NOL4: variants seen among roughly 807,000 people sequenced by gnomAD.
NOL4 encodes cancer/testis antigen 125.
In NOL4, 17 loss-of-function variants were observed where a neutral mutation model predicts 75.9. That is an observed-to-expected ratio of 0.22 (90% confidence interval 0.15 to 0.34). The LOEUF (loss-of-function observed/expected upper bound fraction) is 0.34, where lower values mean the gene tolerates loss of function less well. Ranked by LOEUF, NOL4 falls within the 10% of genes least tolerant of loss-of-function variation. NOL4 has a pLI of 1.00. For missense variants in NOL4, 614 were observed against 793.5 expected (o/e 0.77, Z 2.72); for synonymous variants, 292 against 289.9 (o/e 1.01, Z -0.07).
At chr18:33,904,932 C>G (rs537483917) in intron 9 of NOL4, among the ~76,000 whole-genome samples, 17 of 152,128 alleles carry the variant, frequency 1.1e-4, no homozygotes, top group African/African-American at 4.1e-4. Context: ...AGCTTGGAGA[C>G]GATAACTGAC....
intron 1 of NOL4, among the ~76,000 whole-genome samples, chr18:34,175,239 T>C (rs1047293674): frequency 2.6e-5 from 4 of 152,186 alleles, no homozygotes; most frequent in Non-Finnish European, 5.9e-5. Flanking sequence ...ACATGTCTAG[T>C]GCTTCCATGG....
At chr18:34,182,462 T>C (rs562420172) in intron 1 of NOL4, among the ~76,000 whole-genome samples, 41 of 151,658 alleles carry the variant, frequency 2.7e-4, no homozygotes, top group Non-Finnish European at 5.6e-4. Context: ...GAAGAAAATA[T>C]TCTACAACTA....
chr18:33,890,688 T>C (rs62097772), intron 9 of NOL4, among the ~76,000 whole-genome samples: 5,313 of 152,202 alleles, frequency 0.035, 159 homozygotes, highest in Non-Finnish European at 0.047. Flanking sequence ...TTTGTACTTA[T>C]GATGAACTTT....
intron 1 of NOL4, among the ~76,000 whole-genome samples, chr18:34,211,111 A>AGAAGGAAGGAAGGAAG (rs34370429): frequency 1.3e-5 from 2 of 149,330 alleles, no homozygotes; most frequent in South Asian, 2.1e-4. Context: ...AAGGAAGGAA[A>AGAAGGAAGGAAGGAAG]GAAGGAAGGA....
intron 1 of NOL4, among the ~76,000 whole-genome samples, chr18:34,165,346 T>A (rs2032196458): frequency 6.6e-6 from 1 of 152,148 alleles, no homozygotes; most frequent in African/African-American, 2.4e-5. Context: ...AGAACACCCA[T>A]GTTCCAGTGT....
intron 1 of NOL4, among the ~76,000 whole-genome samples, chr18:34,165,498 T>C (rs2032216055): frequency 6.6e-6 from 1 of 152,200 alleles, no homozygotes; most frequent in Non-Finnish European, 1.5e-5. Flanking sequence ...GGGTATTGCA[T>C]GCTTTCCAGC....
intron 1 of NOL4, among the ~76,000 whole-genome samples, chr18:34,161,572 A>G (rs2031487561): frequency 6.6e-6 from 1 of 151,866 alleles, no homozygotes; most frequent in African/African-American, 2.4e-5. Flanking sequence ...GTAGGTTCTG[A>G]TTTGTATTTC....
chr18:33,967,892 C>T (rs2070733722), intron 6 of NOL4, among the ~76,000 whole-genome samples: 1 of 152,002 alleles, frequency 6.6e-6, no homozygotes, highest in Admixed American at 6.6e-5. Flanking sequence ...TTGAGACCAG[C>T]CTGGCCAATA....
chr18:33,986,850 A>G (rs1471239299), intron 6 of NOL4, among the ~76,000 whole-genome samples: 1 of 152,180 alleles, frequency 6.6e-6, no homozygotes, highest in Non-Finnish European at 1.5e-5. Context: ...AATTGCAAAA[A>G]AACTGGAGAA....
chr18:34,062,197 A>C (rs2077090609), intron 5 of NOL4, among the ~76,000 whole-genome samples: 1 of 152,002 alleles, frequency 6.6e-6, no homozygotes, highest in Non-Finnish European at 1.5e-5. Context: ...CAAGTGTACC[A>C]CTGAACTTTA....
chr18:34,108,474 A>T (rs1436353494), intron 2 of NOL4, among the ~76,000 whole-genome samples: 1 of 152,212 alleles, frequency 6.6e-6, no homozygotes, highest in African/African-American at 2.4e-5. Context: ...ATAAGTGGAC[A>T]CATAGGCTGA....
intron 1 of NOL4, among the ~76,000 whole-genome samples, chr18:34,158,057 G>T (rs186435361): frequency 6.6e-6 from 1 of 152,188 alleles, no homozygotes; most frequent in Admixed American, 6.5e-5. Context: ...ATTTTCTAAA[G>T]AGGTAGTATC....
chr18:34,220,310 G>A (rs7238786), intron 1 of NOL4, among the ~76,000 whole-genome samples: 1,886 of 152,142 alleles, frequency 0.012, 41 homozygotes, highest in African/African-American at 0.043. Context: ...CAGTAGTAAT[G>A]ATGTCTAATT....
intron 9 of NOL4, among the ~76,000 whole-genome samples, chr18:33,895,994 T>A (rs187085354): frequency 8.9e-4 from 136 of 152,162 alleles, no homozygotes; most frequent in Non-Finnish European, 1.6e-3. Flanking sequence ...ACTAGCATTC[T>A]TATACACCAC....
At chr18:33,870,427 T>G (rs191154621) in intron 10 of NOL4, among the ~76,000 whole-genome samples, 90 of 152,094 alleles carry the variant, frequency 5.9e-4, no homozygotes, top group Non-Finnish European at 1.1e-3. Flanking sequence ...AGAAATCTAC[T>G]GTATGGCATA....
At chr18:33,985,079 G>A (rs1027063248) in intron 6 of NOL4, among the ~76,000 whole-genome samples, 1 of 152,014 alleles carries the variant, frequency 6.6e-6, no homozygotes, top group African/African-American at 2.4e-5. Flanking sequence ...AGGAATAAAT[G>A]AGATAGTGTT....
intron 1 of NOL4, among the ~76,000 whole-genome samples, chr18:34,201,109 A>G (rs1334268893): frequency 1.3e-5 from 2 of 151,808 alleles, no homozygotes; most frequent in Non-Finnish European, 3.0e-5. Context: ...AGAAAGAGAG[A>G]GCAAGAGAGG....
At chr18:34,123,590 T>C (rs117712826) in intron 2 of NOL4, among the ~76,000 whole-genome samples, 2 of 146,178 alleles carry the variant, frequency 1.4e-5, no homozygotes, top group African/African-American at 2.5e-5. Flanking sequence ...AGAATATATA[T>C]AGAGAGATAG....
At chr18:33,926,557 C>T (rs960696821) in intron 9 of NOL4, among the ~76,000 whole-genome samples, 7 of 152,088 alleles carry the variant, frequency 4.6e-5, no homozygotes, top group Non-Finnish European at 8.8e-5. Flanking sequence ...GAGTAAAAGG[C>T]TTTGCTTTAG....
Sources: gnomAD v4.1 joint callset for allele counts (sites outside exome capture counted in the v4.1 genomes callset) on GRCh38, gnomAD v4.1.1 for gene constraint, MANE v1.5 for transcripts, NCBI Gene and HGNC (gene_info 2026-07-23, HGNC 2026-07-21) for gene names.